HOOK2: variants seen among roughly 807,000 people sequenced by gnomAD.
HOOK2 encodes the protein protein Hook homolog 2.
In HOOK2, 108 loss-of-function variants were observed where a neutral mutation model predicts 111.9. The observed-to-expected ratio is 0.96, with a 90% CI of 0.83 to 1.13. HOOK2 has a LOEUF of 1.13. Ranked by LOEUF, HOOK2 falls within the 50% of genes most tolerant of loss-of-function variation. HOOK2 has a pLI of 0.00. For synonymous variants in HOOK2, 405 were observed against 394.3 expected (o/e 1.03, Z -0.32); for missense variants, 978 against 951.3 (o/e 1.03, Z -0.37).
rs749491926 is a variant in HOOK2, at chr19:12,771,121, C to A, written c.761+38G>T. ...CATGAGGGGGCTGCCCTCCCCCGGTCCCCTGGCTTGCCTGGCCCAGTCCCC... is the reference window on the plus strand; with the variant it reads ...CATGAGGGGGCTGCCCTCCCCCGGTACCCTGGCTTGCCTGGCCCAGTCCCC... On this transcript the variant is annotated intron_variant, in intron 9 of 22. Transcript: ENST00000397668. The A allele has an allele frequency of 3.7e-6, 6 of 1,611,430 alleles. No homozygotes were observed. In the East Asian group the frequency reaches 1.3e-4, roughly 36 times the overall value.
At chr19:12,783,276 G>A (rs1968624928), upstream of HOOK2, among the ~76,000 whole-genome samples, 1 of 151,814 alleles carries the variant, frequency 6.6e-6, no homozygotes. Flanking sequence ...GCATCCGAGG[G>A]CCAGCGACTC....
upstream of HOOK2, among the ~76,000 whole-genome samples, chr19:12,781,917 G>T (rs1378909538): frequency 6.6e-6 from 1 of 151,752 alleles, no homozygotes; most frequent in East Asian, 1.9e-4. Flanking sequence ...GCTGCTCAGT[G>T]CAGCCTTGAA....
intron 3 of HOOK2, among the ~76,000 whole-genome samples, chr19:12,783,972 C>T (rs1446047561): frequency 6.6e-6 from 1 of 151,796 alleles, no homozygotes; most frequent in East Asian, 1.9e-4. Flanking sequence ...CCGTCACCTC[C>T]CCGCCCCCCA....
intron 1 of HOOK2, among the ~76,000 whole-genome samples, 169 bp from the exon 2 acceptor site, chr19:12,775,066 C>A (rs1968457525): frequency 3.3e-5 from 5 of 152,140 alleles, no homozygotes; most frequent in Admixed American, 3.3e-4. Context: ...CCGGAGGGGG[C>A]GTGGCCTCAC....
chr19:12,782,199 C>G (rs1026025485), upstream of HOOK2, among the ~76,000 whole-genome samples: 2 of 152,178 alleles, frequency 1.3e-5, no homozygotes. Flanking sequence ...TATCTGCCAC[C>G]TACCTATGTA....
chr19:12,774,874 A>AG lies in HOOK2; in HGVS notation c.68dup (p.Pro24SerfsTer137), dbSNP rs747235762. On this transcript the variant is annotated frameshift_variant, in exon 2 of 23. Transcript: ENST00000397668. LOFTEE classifies it high-confidence loss of function. The stretch of plus-strand genomic sequence containing the variant: ...TCAGGTCCTGAGGGCTGGCACAGGG[A>AG]GACGGAACGTGGAACGTCTGTAACT... 6.2e-7 allele frequency: 1 copy of AG among 1,613,964 alleles called. No homozygotes were observed.
At position 12,775,538 on chromosome 19, in the gene HOOK2, C is replaced by A; in HGVS notation, c.-89G>T. 1 of 1,440,630 alleles carries A rather than the reference C, an allele frequency of 6.9e-7. No homozygotes were observed. Among genetic ancestry groups the A allele is most frequent in the African/African-American group, 1.5e-5 (1 of 68,718 alleles). 89.2% of individuals were successfully genotyped at this position (1,440,630 alleles called of 1,614,324 possible). ...CACCAGCGAGCGCCCGCAGCCCCGA[C>A]CTCCCGCTCGGCCTAGAGCGCCGCC... On this transcript the variant is annotated 5_prime_UTR_variant, in exon 1 of 23. Transcript: ENST00000397668.
At chr19:12,773,135 C>T in intron 3 of HOOK2, 91 bp from the exon 4 acceptor site, 1 of 1,250,640 alleles carries the variant, frequency 8.0e-7, no homozygotes, top group South Asian at 1.2e-5. Context: ...CTTCTCCTTC[C>T]CTGCTCATCT....
chr19:12,772,221 G>A lies in HOOK2; in HGVS notation c.488C>T (p.Ser163Leu). The change falls in exon 7 of 23, where the codon TCA becomes TTA. Residue 163 changes from serine to leucine, a missense_variant. By Grantham distance (145) the Ser-to-Leu change is moderately radical (BLOSUM62 -2). Transcript: ENST00000397668. ...LMTKDTPDSLSPETYGNFDSQ... is the reference protein window; with the variant it reads ...LMTKDTPDSLLPETYGNFDSQ... ...GTCAAAGTTGCCATACGTCTCTGGTGACAGGGAGTCAGGAGTGTCTTTGGT... is the reference window on the plus strand; with the variant it reads ...GTCAAAGTTGCCATACGTCTCTGGTAACAGGGAGTCAGGAGTGTCTTTGGT... The A allele has an allele frequency of 6.2e-7, 1 of 1,614,056 alleles. No individual in the cohort carries two copies. Among genetic ancestry groups the A allele is most frequent in the Middle Eastern group, 1.6e-4 (1 of 6,062 alleles).
At chr19:12,766,702 A>C (rs965801772) in intron 14 of HOOK2, 3 of 160,208 alleles carry the variant, frequency 1.9e-5, no homozygotes, top group Middle Eastern at 2.9e-3. Flanking sequence ...TCCTGCCCCA[A>C]CCTCCCGAGT....
chr19:12,775,575 C>T, upstream of HOOK2: 1 of 955,822 alleles, frequency 1.0e-6, no homozygotes, highest in Non-Finnish European at 1.4e-6. Context: ...CGCCCCGCCC[C>T]CCTAGGCGCA....
In HOOK2 at chr19:12,791,711, G is replaced by A. The variant is rs973291936; in HGVS notation, n.42-17486C>T. 6 of 1,281,528 alleles carry A rather than the reference G, an allele frequency of 4.7e-6. No individual in the cohort carries two copies. Among genetic ancestry groups the A allele is most frequent in the African/African-American group, 4.5e-5 (3 of 66,652 alleles). 79.4% of individuals were successfully genotyped at this position (1,281,528 alleles called of 1,614,324 possible). On this transcript the variant is annotated intron_variant and non_coding_transcript_variant, in intron 3 of 3. Coordinates refer to the HOOK2 transcript ENST00000589765. This position sits in a 1 kb window ranked among gnomAD's most constrained non-coding sequence, Gnocchi z 7.0. ...CACCGCAGCGGAGAGCTCGCCGCTC[G>A]CTGCAGCGAGGCCCGGAGCGGCCCC...
chr19:12,771,797 G>C (rs1159310697), intron 7 of HOOK2: 1 of 374,290 alleles, frequency 2.7e-6, no homozygotes, highest in African/African-American at 2.1e-5. Context: ...CAGGAGAATC[G>C]CTTGAACCCG....
intron 3 of HOOK2, 183 bp from the exon 4 acceptor site, chr19:12,773,227 GTTTCT>G: frequency 1.4e-5 from 4 of 283,632 alleles, no homozygotes; most frequent in Admixed American, 6.1e-5. Flanking sequence ...GACCATCTTT[GTTTCT>G]TTTTTTTTTT....
chr19:12,788,738 C>T (rs1160148764), intron 3 of HOOK2, among the ~76,000 whole-genome samples: 1 of 152,352 alleles, frequency 6.6e-6, no homozygotes, highest in East Asian at 1.9e-4. Context: ...CAACGCTGCC[C>T]GCTGCGCCCC....
upstream of HOOK2, among the ~76,000 whole-genome samples, chr19:12,779,660 G>A (rs1968577613): frequency 6.6e-6 from 1 of 152,142 alleles, no homozygotes; most frequent in African/African-American, 2.4e-5. Context: ...CTGGCCAAAT[G>A]TGCTGGTCTT....
chr19:12,772,208 A>T lies in HOOK2; in HGVS notation c.501T>A (p.Tyr167Ter), dbSNP rs944513107. The change falls in exon 7 of 23, where the codon TAT becomes TAA. Residue 167 changes from tyrosine to a stop codon, truncating the protein, a stop_gained. Transcript: ENST00000397668. LOFTEE classifies it high-confidence loss of function. Reference protein sequence around the residue: ...DTPDSLSPETYGNFDSQSRRY... With the variant: ...DTPDSLSPET ...CTCTTACCTGGCTGTCAAAGTTGCC[A>T]TACGTCTCTGGTGACAGGGAGTCAG... The T allele has an allele frequency of 2.5e-6, 4 of 1,613,716 alleles. No individual in the cohort carries two copies. The highest frequency in any genetic ancestry group is 1.6e-4 in the Middle Eastern group (1 of 6,082).
In HOOK2 at chr19:12,770,638, A is replaced by G. The variant is rs1188724852; in HGVS notation, c.902+294T>C. ...TGCAGTGGGATCTGCAGAGCATTGT[A>G]GGGGAGGTTCTTGTGTTTTGGGGGG... On this transcript the variant is annotated intron_variant, in intron 10 of 22. Coordinates refer to ENST00000397668, the MANE Select transcript of HOOK2 (RefSeq NM_013312.3). Among the ~76,000 whole-genome samples, 4 of 123,142 alleles carry G rather than the reference A, an allele frequency of 3.2e-5. No individual in the cohort carries two copies. The Admixed American group carries it at 4.3e-4, about 13-fold the overall frequency. The allele number at this position is 123,142 out of a possible 152,430, so 80.8% of individuals were successfully genotyped here.
chr19:12,772,595 C>T lies in HOOK2; in HGVS notation c.456+18G>A, dbSNP rs761539003. On this transcript the variant is annotated intron_variant, in intron 6 of 22. Coordinates refer to ENST00000397668, the MANE Select transcript of HOOK2 (RefSeq NM_013312.3). ...TCTCCTGACATTTTCCAATTGCACA[C>T]TGAGTGCCCCCACCCACCTCTTGGA... is the stretch of plus-strand genomic sequence containing the variant. 6.2e-7 allele frequency: 1 copy of T among 1,613,210 alleles called. No homozygotes were observed. Among genetic ancestry groups the T allele is most frequent in the Non-Finnish European group, 8.5e-7 (1 of 1,179,508 alleles).
Sources: allele counts gnomAD v4.1 joint callset (sites outside exome capture counted in the v4.1 genomes callset), GRCh38; gene constraint gnomAD v4.1.1; non-coding constraint Gnocchi (gnomAD v3.1); transcripts MANE v1.5; gene names NCBI Gene and HGNC (gene_info 2026-07-23, HGNC 2026-07-21).